The following ASTN2 variants were observed in gnomAD, a reference collection of about 807,000 sequenced individuals.
The protein encoded by ASTN2 is astrotactin 2.
Under a neutral mutation model 139.8 loss-of-function variants are expected in ASTN2, and 54 were observed. That is an observed-to-expected ratio of 0.39 (90% CI 0.31 to 0.48). ASTN2 has a LOEUF of 0.48. Ranked by LOEUF, ASTN2 falls within the 20% of genes least tolerant of loss-of-function variation. The probability of loss-of-function intolerance (pLI) is 0.95; values close to 1 mark genes in which losing one functional copy is unlikely to be tolerated. For synonymous variants in ASTN2, 756 were observed against 719.5 expected, an observed-to-expected ratio of 1.05 and a Z score of -0.81; for missense variants, 1,565 against 1,725.1, an observed-to-expected ratio of 0.91 and a Z score of 1.64.
chr9:116,529,183 G>C (rs377332857), intron 19 of ASTN2, among the ~76,000 whole-genome samples: 1 of 152,146 alleles, frequency 6.6e-6, no homozygotes. Context: ...AAGTAGCCAT[G>C]GGGGCTTACC....
At chr9:117,021,852 G>A (rs973100787) in intron 6 of ASTN2, among the ~76,000 whole-genome samples, 5 of 152,102 alleles carry the variant, frequency 3.3e-5, no homozygotes, top group African/African-American at 9.7e-5. Flanking sequence ...AACTGCACCC[G>A]ACACATAATA....
At chr9:116,940,973 A>G (rs749590690) in intron 10 of ASTN2, among the ~76,000 whole-genome samples, 3 of 152,228 alleles carry the variant, frequency 2.0e-5, no homozygotes, top group South Asian at 2.1e-4. Context: ...TACAGTATTC[A>G]GTACAGTAAC....
intron 7 of ASTN2, among the ~76,000 whole-genome samples, chr9:116,980,314 T>A (rs1316118464): frequency 6.6e-6 from 1 of 151,940 alleles, no homozygotes; most frequent in Non-Finnish European, 1.5e-5. Flanking sequence ...ACCCAGAAAC[T>A]ATGCACACTA....
At chr9:117,322,185 T>A (rs953959775) in intron 1 of ASTN2, among the ~76,000 whole-genome samples, 1 of 151,870 alleles carries the variant, frequency 6.6e-6, no homozygotes, top group Non-Finnish European at 1.5e-5. Flanking sequence ...AGACCCCTCC[T>A]CTGTTTGACA....
intron 22 of ASTN2, among the ~76,000 whole-genome samples, chr9:116,430,454 T>G (rs547290204): frequency 6.6e-6 from 1 of 152,284 alleles, no homozygotes; most frequent in Non-Finnish European, 1.5e-5. Context: ...AGTTGTAGCA[T>G]CCATAAAATG....
At chr9:116,825,500 T>C (rs1359937479) in intron 11 of ASTN2, among the ~76,000 whole-genome samples, 23 of 152,172 alleles carry the variant, frequency 1.5e-4, no homozygotes. Flanking sequence ...CCCTCCTCCA[T>C]GGAGAGGAAC....
At chr9:116,794,210 G>A (rs1416851772) in intron 13 of ASTN2, among the ~76,000 whole-genome samples, 1 of 147,662 alleles carries the variant, frequency 6.8e-6, no homozygotes, top group East Asian at 2.0e-4. Flanking sequence ...TGATTCTCCT[G>A]CCTCAGCCTT....
chr9:117,118,906 C>T (rs1829471846), intron 4 of ASTN2, among the ~76,000 whole-genome samples: 1 of 152,186 alleles, frequency 6.6e-6, no homozygotes, highest in South Asian at 2.1e-4. Flanking sequence ...CTTCCTCCAC[C>T]TCCTCACTCT....
At chr9:117,330,056 AC>A (rs1380911216) in intron 1 of ASTN2, among the ~76,000 whole-genome samples, 1 of 151,980 alleles carries the variant, frequency 6.6e-6, no homozygotes, top group Non-Finnish European at 1.5e-5. Context: ...GGTCTTAGTG[AC>A]TCCACAGCCC....
chr9:116,650,227 T>C lies in ASTN2; in HGVS notation c.3072+1301A>G, dbSNP rs1486636751. On this transcript the variant is annotated intron_variant, in intron 17 of 22. Transcript: ENST00000313400. ...GCTTTATCTCCCTTCCTCTGCCTCA[T>C]TGAAATAGTGGCATCACTATTCCTG... 3.3e-5 allele frequency among the ~76,000 whole-genome samples: 5 copies of C among 152,304 alleles called. No homozygotes were observed. In the South Asian group the frequency reaches 8.3e-4, roughly 25 times the overall value.
intron 12 of ASTN2, among the ~76,000 whole-genome samples, chr9:116,814,739 TAGG>T (rs879589672): frequency 1.3e-5 from 2 of 152,164 alleles, no homozygotes; most frequent in Non-Finnish European, 2.9e-5. Context: ...AAGAGGCAGT[TAGG>T]AGTGCAGATT....
chr9:116,425,483 C>T lies in ASTN2; in HGVS notation c.*368G>A. On this transcript the variant is annotated 3_prime_UTR_variant, in exon 23 of 23. Transcript: ENST00000313400. ...ATAGGTCTCCTCCAGGGGTCCATGG[C>T]AGGAAGAAAGCAGAGTGTGGCAGGA... 10 of 1,375,624 alleles carry T rather than the reference C, an allele frequency of 7.3e-6. No homozygotes were observed. The South Asian group carries it at 1.1e-4, about 15-fold the overall frequency. 85.2% of individuals were successfully genotyped at this position (1,375,624 alleles called of 1,614,324 possible).
intron 5 of ASTN2, among the ~76,000 whole-genome samples, chr9:117,066,431 G>GA (rs1305234941): frequency 1.4e-5 from 2 of 147,638 alleles, no homozygotes; most frequent in Admixed American, 6.7e-5. Context: ...TTGGACATTT[G>GA]GGTTGGTTCC....
intron 10 of ASTN2, among the ~76,000 whole-genome samples, chr9:116,879,807 T>C (rs1229573312): frequency 6.6e-6 from 1 of 152,148 alleles, no homozygotes; most frequent in Non-Finnish European, 1.5e-5. Context: ...TTTTCACCAA[T>C]CCTAAAAGTT....
chr9:116,910,088 G>A (rs1350431408), intron 10 of ASTN2, among the ~76,000 whole-genome samples: 1 of 144,750 alleles, frequency 6.9e-6, no homozygotes, highest in Admixed American at 6.7e-5. Flanking sequence ...TGAAAGGAAT[G>A]TCTAGGGCCT....
chr9:117,300,983 C>A (rs899489377), intron 1 of ASTN2, among the ~76,000 whole-genome samples: 21 of 152,100 alleles, frequency 1.4e-4, no homozygotes, highest in Non-Finnish European at 2.9e-4. Context: ...ACTGTTTTCC[C>A]AAGCCACTCA....
intron 19 of ASTN2, among the ~76,000 whole-genome samples, chr9:116,497,627 T>A (rs1455612657): frequency 6.6e-6 from 1 of 152,112 alleles, no homozygotes; most frequent in African/African-American, 2.4e-5. Flanking sequence ...GCCCTCGTCA[T>A]CCCCACTGTC....
chr9:117,133,612 T>C (rs780832182), intron 4 of ASTN2, among the ~76,000 whole-genome samples: 3 of 152,184 alleles, frequency 2.0e-5, no homozygotes, highest in Non-Finnish European at 2.9e-5. Context: ...CTAGATATAG[T>C]TGTGCACTTG....
intron 19 of ASTN2, chr9:116,585,789 A>C (rs1854121469): frequency 1.3e-5 from 2 of 152,216 alleles, no homozygotes; most frequent in Admixed American, 1.3e-4. Context: ...CTTCAAATGC[A>C]GCTGCAACAA....
Sources: gnomAD v4.1 joint callset for allele counts (sites outside exome capture counted in the v4.1 genomes callset) on GRCh38, gnomAD v4.1.1 for gene constraint, MANE v1.5 for transcripts, NCBI Gene and HGNC (gene_info 2026-07-23, HGNC 2026-07-21) for gene names.